GALNT13: variants seen among roughly 807,000 people sequenced by gnomAD.
The protein encoded by GALNT13 is UDP-GalNAc:polypeptide N-acetylgalactosaminyltransferase 13.
GALNT13 carries 28 observed loss-of-function variants against 64.2 expected under a neutral mutation model. The observed-to-expected ratio is 0.44, with a 90% CI of 0.32 to 0.60. GALNT13 has a LOEUF of 0.60. GALNT13 is among the 20% of genes least tolerant of loss of function. GALNT13 has a pLI of 0.05. For missense variants in GALNT13, 577 were observed against 669.8 expected (o/e 0.86, Z 1.53); for synonymous variants, 214 against 224.6 (o/e 0.95, Z 0.42).
At chr2:153,690,342 A>G in the GALNT13 span, among the ~76,000 whole-genome samples, 812 of 152,214 alleles carry the variant, frequency 5.3e-3, 7 homozygotes, top group African/African-American at 0.019. Flanking sequence ...TCTTTCTTCA[A>G]AAATATTTAA....
At chr2:153,365,828 G>T in the GALNT13 span, among the ~76,000 whole-genome samples, 40 of 152,208 alleles carry the variant, frequency 2.6e-4, no homozygotes, top group Non-Finnish European at 5.3e-4. Flanking sequence ...GTGGAAGACA[G>T]TGTGGAGATT....
At chr2:153,155,370 C>T in the GALNT13 span, among the ~76,000 whole-genome samples, 1 of 152,202 alleles carries the variant, frequency 6.6e-6, no homozygotes, top group South Asian at 2.1e-4. Context: ...TTCCACTTGG[C>T]AGGCTATTCA....
chr2:154,278,235 A>C (rs1230162497), intron 8 of GALNT13, among the ~76,000 whole-genome samples: 1 of 152,182 alleles, frequency 6.6e-6, no homozygotes, highest in East Asian at 1.9e-4. Flanking sequence ...CAAAACTTTA[A>C]GCGTACTGTG....
At chr2:153,388,103 A>G in the GALNT13 span, among the ~76,000 whole-genome samples, 571 of 151,972 alleles carry the variant, frequency 3.8e-3, 2 homozygotes, top group Non-Finnish European at 6.0e-3. Flanking sequence ...GGGAAGGGAA[A>G]GGGAAAATAT....
intron 2 of GALNT13, among the ~76,000 whole-genome samples, chr2:153,935,021 G>T (rs116526583): frequency 2.4e-3 from 361 of 152,300 alleles, no homozygotes; most frequent in Non-Finnish European, 4.2e-3. Flanking sequence ...GCTGGGGTCA[G>T]ATGTATTTAG....
the GALNT13 span, among the ~76,000 whole-genome samples, chr2:153,730,461 A>C: frequency 6.6e-6 from 1 of 151,998 alleles, no homozygotes; most frequent in South Asian, 2.1e-4. Context: ...AACAAGTTAA[A>C]TATAAGACTT....
chr2:153,858,383 T>C, the GALNT13 span, among the ~76,000 whole-genome samples: 1 of 152,046 alleles, frequency 6.6e-6, no homozygotes, highest in South Asian at 2.1e-4. Flanking sequence ...TTAAGCAGAG[T>C]GGTAATAAGA....
intron 3 of GALNT13, among the ~76,000 whole-genome samples, chr2:154,105,719 C>T (rs1702579997): frequency 6.6e-6 from 1 of 152,142 alleles, no homozygotes; most frequent in African/African-American, 2.4e-5. Flanking sequence ...ACAGTGCTAT[C>T]CCTTAGAATA....
At chr2:154,284,965 G>T (rs1386924520) in intron 8 of GALNT13, among the ~76,000 whole-genome samples, 1 of 151,958 alleles carries the variant, frequency 6.6e-6, no homozygotes, top group Non-Finnish European at 1.5e-5. Flanking sequence ...TAATTTCCAT[G>T]TCTTTAATGA....
the GALNT13 span, among the ~76,000 whole-genome samples, chr2:153,747,681 C>A: frequency 1.2e-4 from 18 of 152,052 alleles, no homozygotes; most frequent in Non-Finnish European, 2.2e-4. Flanking sequence ...TCTGCCTTGG[C>A]CTCCCAAAGT....
chr2:153,227,108 T>C, the GALNT13 span, among the ~76,000 whole-genome samples: 1 of 152,214 alleles, frequency 6.6e-6, no homozygotes, highest in African/African-American at 2.4e-5. Context: ...GTCAAAATGT[T>C]GGGCTAATTC....
the GALNT13 span, among the ~76,000 whole-genome samples, chr2:153,229,583 C>T: frequency 3.3e-5 from 5 of 152,082 alleles, no homozygotes; most frequent in East Asian, 1.9e-4. Flanking sequence ...TTAATTTAAT[C>T]GCCTATTTTT....
chr2:153,382,017 A>T, the GALNT13 span, among the ~76,000 whole-genome samples: 1 of 152,116 alleles, frequency 6.6e-6, no homozygotes, highest in African/African-American at 2.4e-5. Flanking sequence ...ACTCAATGTG[A>T]TACAGCAGTT....
the GALNT13 span, among the ~76,000 whole-genome samples, chr2:153,345,791 T>G: frequency 6.8e-6 from 1 of 147,040 alleles, no homozygotes; most frequent in Admixed American, 6.8e-5. Context: ...CTTTCTCTCT[T>G]TCTTTCTCTC....
the GALNT13 span, among the ~76,000 whole-genome samples, chr2:153,277,908 C>CTTTTCTTTTTTTT: frequency 1.1e-4 from 8 of 69,626 alleles, no homozygotes; most frequent in Non-Finnish European, 2.3e-4. Flanking sequence ...TTTCTTTTTT[C>CTTTTCTTTTTTTT]TTTTGTTTTC....
chr2:154,129,007 T>C (rs1216589442), intron 3 of GALNT13, among the ~76,000 whole-genome samples: 1 of 152,112 alleles, frequency 6.6e-6, no homozygotes, highest in Non-Finnish European at 1.5e-5. Context: ...GAAATGCAAA[T>C]CTTACAAATA....
At chr2:154,260,407 T>TATCCA (rs1204767663) in intron 8 of GALNT13, among the ~76,000 whole-genome samples, 2 of 152,314 alleles carry the variant, frequency 1.3e-5, no homozygotes, top group Admixed American at 1.3e-4. Context: ...TTCTCTACTG[T>TATCCA]AGAATTCAGT....
intron 10 of GALNT13, among the ~76,000 whole-genome samples, chr2:154,398,618 G>C (rs1469328505): frequency 1.3e-5 from 2 of 152,180 alleles, no homozygotes; most frequent in Non-Finnish European, 2.9e-5. Flanking sequence ...GCAGTATGGT[G>C]TATTGAAAAC....
chr2:153,646,795 C>A, the GALNT13 span, among the ~76,000 whole-genome samples: 20 of 152,034 alleles, frequency 1.3e-4, no homozygotes, highest in South Asian at 2.1e-4. Context: ...ACATGAACTC[C>A]TCATTTTTTA....
Sources: gnomAD v4.1 joint callset for allele counts (sites outside exome capture counted in the v4.1 genomes callset) on GRCh38, gnomAD v4.1.1 for gene constraint, MANE v1.5 for transcripts, NCBI Gene and HGNC (gene_info 2026-07-23, HGNC 2026-07-21) for gene names.